GAREM1: variants seen among roughly 807,000 people sequenced by gnomAD.
GAREM1 encodes GRB2-associated and regulator of MAPK protein 1.
A neutral mutation model predicts 71.3 loss-of-function variants in GAREM1; 26 were observed. The observed-to-expected ratio is 0.36, with a 90% confidence interval of 0.27 to 0.51. The LOEUF is 0.51. GAREM1 is among the 20% of genes least tolerant of loss of function. The pLI is 0.95. For missense variants in GAREM1, 1,026 were observed against 1,103.1 expected, an observed-to-expected ratio of 0.93 and a Z score of 0.99; for synonymous variants, 440 against 433.2, an observed-to-expected ratio of 1.02 and a Z score of -0.20.
chr18:32,282,910 C>T (rs949203680), intron 4 of GAREM1, among the ~76,000 whole-genome samples: 2 of 152,190 alleles, frequency 1.3e-5, no homozygotes, highest in African/African-American at 4.8e-5. Flanking sequence ...AAATATTTTA[C>T]ATATCAGCCA....
At chr18:32,379,697 T>C (rs1187140692) in intron 2 of GAREM1, among the ~76,000 whole-genome samples, 1 of 150,962 alleles carries the variant, frequency 6.6e-6, no homozygotes, top group Non-Finnish European at 1.5e-5. Flanking sequence ...AGAACGAGAC[T>C]TGGTCTTTAA....
intron 2 of GAREM1, among the ~76,000 whole-genome samples, chr18:32,346,440 C>T (rs1049597096): frequency 3.3e-5 from 5 of 152,130 alleles, no homozygotes; most frequent in Non-Finnish European, 5.9e-5. Flanking sequence ...GCAAATGTTT[C>T]ATCAATATAA....
chr18:32,404,236 T>C (rs951696555), intron 1 of GAREM1, among the ~76,000 whole-genome samples: 5 of 152,206 alleles, frequency 3.3e-5, no homozygotes, highest in Admixed American at 6.5e-5. Context: ...ATGTAACATC[T>C]GTCACAGCAA....
At chr18:32,320,625 A>G (rs1426021585) in intron 2 of GAREM1, among the ~76,000 whole-genome samples, 2 of 152,182 alleles carry the variant, frequency 1.3e-5, no homozygotes, top group African/African-American at 4.8e-5. Context: ...ATTTCTATTT[A>G]TTTCTCCATC....
chr18:32,354,100 G>C (rs561339428), intron 2 of GAREM1, among the ~76,000 whole-genome samples: 1 of 152,084 alleles, frequency 6.6e-6, no homozygotes, highest in South Asian at 2.1e-4. Context: ...AGCATTACAA[G>C]GTAGCAGCAA....
chr18:32,360,791 T>C (rs2047858047), intron 2 of GAREM1, among the ~76,000 whole-genome samples: 2 of 152,228 alleles, frequency 1.3e-5, no homozygotes, highest in African/African-American at 4.8e-5. Context: ...TATCTTTCAT[T>C]TTCTGCGATC....
chr18:32,268,865 G>A (rs1012778320), intron 5 of GAREM1, 97 bp from the exon 6 acceptor site: 28 of 1,009,858 alleles, frequency 2.8e-5, no homozygotes, highest in African/African-American at 6.6e-5. Context: ...GTAGAAAAGC[G>A]CAGTTAGTTT....
chr18:32,445,360 T>G (rs952751617), intron 1 of GAREM1, among the ~76,000 whole-genome samples: 1 of 152,142 alleles, frequency 6.6e-6, no homozygotes, highest in Non-Finnish European at 1.5e-5. Context: ...TCTGGGCATC[T>G]TTCATGAAGA....
intron 3 of GAREM1, among the ~76,000 whole-genome samples, chr18:32,299,513 CAAAAAAAAAA>C (rs57549959): frequency 1.4e-5 from 1 of 69,332 alleles, no homozygotes; most frequent in South Asian, 6.4e-4. Flanking sequence ...GACCCCATCT[CAAAAAAAAAA>C]AAAAAAAAAA....
intron 2 of GAREM1, among the ~76,000 whole-genome samples, chr18:32,378,057 T>TGTGTGTGCGCGC (rs1293817110): frequency 4.8e-4 from 61 of 127,520 alleles, no homozygotes; most frequent in African/African-American, 1.7e-3. Context: ...TGTGTGTGTG[T>TGTGTGTGCGCGC]GCGCGCGGGC....
At position 32,266,258 on chromosome 18, in the gene GAREM1, C is replaced by A. The variant is rs1230363991; in HGVS notation, c.*1613G>T. 2.0e-5 allele frequency: 3 copies of A among 152,162 alleles called. No homozygotes were observed. The highest frequency in any genetic ancestry group is 4.8e-5 in the African/African-American group (2 of 41,440). 9.4% of individuals were successfully genotyped at this position (152,162 alleles called of 1,614,324 possible). On this transcript the variant is annotated 3_prime_UTR_variant, in exon 6 of 6. Coordinates refer to ENST00000269209, the MANE Select transcript of GAREM1 (RefSeq NM_001242409.2). ...AATAAAGACACATTTCACAGGTCTA[C>A]AAAACTAGACTGGTGGGTCTTGTCT... is the stretch of plus-strand genomic sequence containing the variant.
chr18:32,404,531 C>T (rs2048347892), intron 1 of GAREM1, among the ~76,000 whole-genome samples: 1 of 151,264 alleles, frequency 6.6e-6, no homozygotes, highest in East Asian at 1.9e-4. Context: ...AAGTTGTGTG[C>T]TAGTATATTA....
chr18:32,350,052 C>T (rs1280069076), intron 2 of GAREM1, among the ~76,000 whole-genome samples: 1 of 152,142 alleles, frequency 6.6e-6, no homozygotes, highest in African/African-American at 2.4e-5. Context: ...CTGATTTACA[C>T]CTTGGCAGGA....
At position 32,457,220 on chromosome 18, in the gene GAREM1, A is replaced by ATGTGT. The variant is rs1568018903; in HGVS notation, c.121+13087_121+13088insACACA. ...TGTGTAGGGGGGGAGAGAGAGAGAG[A>ATGTGT]GAGAGAGTGTGTGTGTGTGTGTGTG... On this transcript the variant is annotated intron_variant, in intron 1 of 5. Transcript: ENST00000269209. Among the ~76,000 whole-genome samples, 53 of 109,396 alleles carry ATGTGT rather than the reference A, an allele frequency of 4.8e-4. 1 individual carries two copies. The highest frequency in any genetic ancestry group is 1.3e-3 in the Admixed American group (15 of 11,560). The allele number at this position is 109,396 out of a possible 152,430, so 71.8% of individuals were successfully genotyped here. A position where few individuals can be genotyped will look rare whatever the true frequency, so the allele number is the denominator to read the frequency against.
chr18:32,356,977 C>G (rs989765131), intron 2 of GAREM1, among the ~76,000 whole-genome samples: 3 of 152,146 alleles, frequency 2.0e-5, no homozygotes, highest in African/African-American at 7.2e-5. Context: ...TTGGTCCTAG[C>G]TTCTCTGGCC....
intron 4 of GAREM1, among the ~76,000 whole-genome samples, chr18:32,270,702 CAT>C (rs926081639): frequency 3.3e-5 from 5 of 152,104 alleles, no homozygotes; most frequent in African/African-American, 7.2e-5. Context: ...GAGCTAGTGA[CAT>C]GTGAGGATGG....
chr18:32,265,716 T>TA lies in GAREM1; in HGVS notation c.*2154dup, dbSNP rs2041364254. The TA allele has an allele frequency of 6.6e-6, 1 of 152,150 alleles. No homozygotes were observed. The highest frequency in any genetic ancestry group is 1.5e-5 in the Non-Finnish European group (1 of 68,034). 9.4% of individuals were successfully genotyped at this position (152,150 alleles called of 1,614,324 possible). A position where few individuals can be genotyped will look rare whatever the true frequency, so the allele number is the denominator to read the frequency against. On this transcript the variant is annotated 3_prime_UTR_variant, in exon 6 of 6. Transcript: ENST00000269209. ...GTTTTTACAAAAAGAAAAAAAACGC[T>TA]AAAAGGAGTCAGTTGTTTATGTGAG...
intron 1 of GAREM1, among the ~76,000 whole-genome samples, chr18:32,468,451 C>T (rs2049018153): frequency 6.6e-6 from 1 of 152,016 alleles, no homozygotes; most frequent in Non-Finnish European, 1.5e-5. Context: ...TCTCAAGCGG[C>T]AATAAGGAAA....
chr18:32,335,168 T>G (rs2047577356), intron 2 of GAREM1, among the ~76,000 whole-genome samples: 1 of 152,260 alleles, frequency 6.6e-6, no homozygotes, highest in South Asian at 2.1e-4. Flanking sequence ...CTCTAATCTT[T>G]TATTCAATTG....
Sources: allele counts gnomAD v4.1 joint callset (sites outside exome capture counted in the v4.1 genomes callset), GRCh38; gene constraint gnomAD v4.1.1; transcripts MANE v1.5; gene names NCBI Gene and HGNC (gene_info 2026-07-23, HGNC 2026-07-21).